Variants in COMMD2 observed in about 807,000 individuals in gnomAD.
COMMD2 encodes the protein COMM domain containing 2.
A neutral mutation model predicts 22.5 loss-of-function variants in COMMD2; 25 were observed. That is an observed-to-expected ratio of 1.11 (90% CI 0.81 to 1.55). COMMD2 has a LOEUF of 1.55. Among genes scored for constraint, COMMD2 ranks in the 40% most tolerant of loss-of-function variants. COMMD2 has a pLI of 0.00. For synonymous variants in COMMD2, 98 were observed against 91.2 expected, an observed-to-expected ratio of 1.07 and a Z score of -0.42; for missense variants, 223 against 232.9, an observed-to-expected ratio of 0.96 and a Z score of 0.28.
intron 2 of COMMD2, 68 bp from the exon 3 acceptor site, chr3:149,751,553 T>C: frequency 7.5e-7 from 1 of 1,326,556 alleles, no homozygotes; most frequent in Admixed American, 2.4e-5. Context: ...CATATTTGTA[T>C]TTAAAAATAA....
chr3:149,748,966 T>C (rs1053635583), intron 4 of COMMD2, among the ~76,000 whole-genome samples: 1 of 152,082 alleles, frequency 6.6e-6, no homozygotes, highest in Non-Finnish European at 1.5e-5. Context: ...TGCCCAAGGG[T>C]GCTAGACTAA....
At position 149,750,868 on chromosome 3, in the gene COMMD2, T is replaced by A; in HGVS notation, c.229-17A>T. 1 of 1,495,644 alleles carries A rather than the reference T, an allele frequency of 6.7e-7. No individual in the cohort carries two copies. Among genetic ancestry groups the A allele is most frequent in the Non-Finnish European group, 9.1e-7 (1 of 1,102,236 alleles). 92.6% of individuals were successfully genotyped at this position (1,495,644 alleles called of 1,614,324 possible). A position where few individuals can be genotyped will look rare whatever the true frequency, so the allele number is the denominator to read the frequency against. On this transcript the variant is annotated splice_polypyrimidine_tract_variant and intron_variant, in intron 3 of 4. Coordinates refer to ENST00000473414, the MANE Select transcript of COMMD2 (RefSeq NM_016094.4). ...TTCAGAAATCTAAGTGAATTGAGTT[T>A]AAAAGAACATCAAAATTTATCTTTG...
chr3:149,750,182 A>G (rs1179463148), intron 4 of COMMD2: 2 of 174,330 alleles, frequency 1.1e-5, no homozygotes, highest in African/African-American at 4.8e-5. Context: ...AAGAATATTT[A>G]CTGAGTCATT....
intron 3 of COMMD2, 198 bp downstream of exon 3, chr3:149,751,205 G>T (rs972811952): frequency 2.8e-6 from 2 of 717,202 alleles, no homozygotes; most frequent in Non-Finnish European, 4.4e-6. Context: ...TTCTATACTA[G>T]CTATTTATAC....
intron 3 of COMMD2, among the ~76,000 whole-genome samples, chr3:149,751,160 A>G (rs766172010): frequency 3.3e-5 from 5 of 152,250 alleles, no homozygotes; most frequent in South Asian, 4.1e-4. Context: ...CTTAAGATAC[A>G]TATATGGTTT....
intron 4 of COMMD2, among the ~76,000 whole-genome samples, chr3:149,742,062 C>T (rs1242814781): frequency 6.6e-6 from 1 of 151,142 alleles, no homozygotes; most frequent in Non-Finnish European, 1.5e-5. Flanking sequence ...AGACATATAA[C>T]CAAAAAAAGA....
chr3:149,752,224 T>C lies in COMMD2; in HGVS notation c.131A>G (p.Tyr44Cys), dbSNP rs1047173552. ...TCCCTTCTTACTGGCGGCGCCTTCG[T>C]AGATTTTTGGGTTTGCGCCGCGTCT... ...FLRRGANPKI[Y>C]EGAARKLNVS... Residue 44 changes from tyrosine (Y) to cysteine (C), a missense_variant, in exon 2 of 5, where the codon TAC becomes TGC. Transcript: ENST00000473414. 1.9e-6 allele frequency: 3 copies of C among 1,613,862 alleles called. No individual in the cohort carries two copies. Among genetic ancestry groups the C allele is most frequent in the Non-Finnish European group, 2.5e-6 (3 of 1,179,916 alleles).
intron 4 of COMMD2, chr3:149,750,158 G>A (rs547884088): frequency 5.8e-6 from 1 of 171,746 alleles, no homozygotes; most frequent in South Asian, 1.3e-4. Flanking sequence ...TATTGTGAGA[G>A]AAGCCAGGTA....
At chr3:149,752,096 C>T in intron 2 of COMMD2, 114 bp downstream of exon 2, 1 of 851,834 alleles carries the variant, frequency 1.2e-6, no homozygotes, top group Non-Finnish European at 1.9e-6. Flanking sequence ...TTTTATTCTA[C>T]TACAATCGGA....
chr3:149,750,606 A>G, intron 4 of COMMD2, 72 bp downstream of exon 4: 1 of 1,125,650 alleles, frequency 8.9e-7, no homozygotes, highest in Non-Finnish European at 1.3e-6. Context: ...GTGGTAAAGA[A>G]TACAATAAAC....
chr3:149,745,250 T>G (rs1182594033), intron 4 of COMMD2, among the ~76,000 whole-genome samples: 1 of 152,228 alleles, frequency 6.6e-6, no homozygotes, highest in Non-Finnish European at 1.5e-5. Flanking sequence ...GAACTGTGTT[T>G]TGTTCTTTGC....
chr3:149,752,323 C>G (rs1298648135), intron 1 of COMMD2, 36 bp from the exon 2 acceptor site: 2 of 1,613,544 alleles, frequency 1.2e-6, no homozygotes, highest in African/African-American at 2.7e-5. Context: ...GAGTGCCAGG[C>G]GCTGCCTTTG....
At chr3:149,748,916 C>T (rs779588963) in intron 4 of COMMD2, among the ~76,000 whole-genome samples, 10 of 152,168 alleles carry the variant, frequency 6.6e-5, no homozygotes, top group Non-Finnish European at 1.2e-4. Flanking sequence ...ATGTGTAAGG[C>T]CTGATGCTCT....
chr3:149,745,900 T>C (rs1716353666), intron 4 of COMMD2, among the ~76,000 whole-genome samples: 1 of 152,228 alleles, frequency 6.6e-6, no homozygotes, highest in Non-Finnish European at 1.5e-5. Flanking sequence ...TCAGTGACAT[T>C]GTGTTGTGTT....
chr3:149,748,197 T>C (rs1716429779), intron 4 of COMMD2, among the ~76,000 whole-genome samples: 1 of 152,026 alleles, frequency 6.6e-6, no homozygotes, highest in African/African-American at 2.4e-5. Flanking sequence ...GATAAGAGCA[T>C]GGGTACTTCA....
intron 3 of COMMD2, chr3:149,751,174 A>T: frequency 1.7e-6 from 1 of 587,200 alleles, no homozygotes; most frequent in Non-Finnish European, 2.9e-6. Flanking sequence ...ATGGTTTAAC[A>T]ACATGCAGAA....
chr3:149,749,052 T>C (rs556615187), intron 4 of COMMD2, among the ~76,000 whole-genome samples: 49 of 152,204 alleles, frequency 3.2e-4, no homozygotes, highest in African/African-American at 1.2e-3. Flanking sequence ...TCTCCCTCTG[T>C]TGCCCAGGCT....
intron 4 of COMMD2, among the ~76,000 whole-genome samples, chr3:149,749,937 A>G (rs1163094791): frequency 6.6e-6 from 1 of 152,228 alleles, no homozygotes; most frequent in African/African-American, 2.4e-5. Flanking sequence ...AACCAAGGTG[A>G]TACGATCTTT....
intron 2 of COMMD2, 115 bp from the exon 3 acceptor site, chr3:149,751,600 G>A: frequency 1.0e-6 from 1 of 954,248 alleles, no homozygotes; most frequent in Non-Finnish European, 1.5e-6. Flanking sequence ...AACACTGCAT[G>A]AAAAACAGTA....
Sources: gnomAD v4.1 joint callset for allele counts (sites outside exome capture counted in the v4.1 genomes callset) on GRCh38, gnomAD v4.1.1 for gene constraint, MANE v1.5 for transcripts, NCBI Gene and HGNC (gene_info 2026-07-23, HGNC 2026-07-21) for gene names.